Variants in CSMD1 observed in about 807,000 individuals in gnomAD.
The protein encoded by CSMD1 is CUB and Sushi multiple domains 1.
A neutral mutation model predicts 417.5 loss-of-function variants in CSMD1; 213 were observed. That is an observed-to-expected ratio of 0.51 (90% CI 0.46 to 0.57). The LOEUF (loss-of-function observed/expected upper bound fraction) is 0.57, where lower values mean the gene tolerates loss of function less well. Among genes scored for constraint, CSMD1 ranks in the 20% least tolerant of loss-of-function variants. The probability of loss-of-function intolerance (pLI) is 0.00; values close to 1 mark genes in which losing one functional copy is unlikely to be tolerated. For synonymous variants in CSMD1, 2,862 were observed against 1,736.8 expected, an observed-to-expected ratio of 1.65 and a Z score of -16.11; for missense variants, 6,923 against 4,529.7, an observed-to-expected ratio of 1.53 and a Z score of -15.17.
chr8:4,366,707 A>C lies in CSMD1; in HGVS notation c.415+53246T>G, dbSNP rs545800021. Among the ~76,000 whole-genome samples the C allele has an allele frequency of 9.5e-4, 142 of 149,000 alleles. 1 individual carries two copies. In the South Asian group the frequency reaches 0.012, roughly 12 times the overall value. On this transcript the variant is annotated intron_variant, in intron 3 of 69. Coordinates refer to ENST00000635120, the MANE Select transcript of CSMD1 (RefSeq NM_033225.6). ...GATGAGCGTTTTTTCTTTTTCTTTT[A>C]TTTTATTATTATTATTAGACTTTAA...
intron 10 of CSMD1, among the ~76,000 whole-genome samples, chr8:3,558,156 G>A (rs564859535): frequency 2.7e-5 from 4 of 150,326 alleles, no homozygotes; most frequent in African/African-American, 7.4e-5. Context: ...GATGAATGGT[G>A]CCTCAATAGC....
chr8:3,281,755 C>G (rs1268270708), intron 26 of CSMD1, among the ~76,000 whole-genome samples: 2 of 152,170 alleles, frequency 1.3e-5, no homozygotes, highest in East Asian at 1.9e-4. Context: ...ACTACAGATG[C>G]ATTTTTCCAA....
intron 11 of CSMD1, among the ~76,000 whole-genome samples, chr8:3,490,354 C>G (rs985750546): frequency 2.6e-5 from 4 of 152,244 alleles, no homozygotes; most frequent in South Asian, 2.1e-4. Flanking sequence ...TTCTTAACAA[C>G]AAATAGCATT....
chr8:4,121,633 AAG>A (rs1802493577), intron 3 of CSMD1, among the ~76,000 whole-genome samples: 1 of 151,932 alleles, frequency 6.6e-6, no homozygotes, highest in African/African-American at 2.4e-5. Context: ...AAAAAAAAAA[AAG>A]AAGTGGGAAT....
At chr8:3,809,262 G>C (rs1209124290) in intron 5 of CSMD1, among the ~76,000 whole-genome samples, 1 of 152,104 alleles carries the variant, frequency 6.6e-6, no homozygotes, top group African/African-American at 2.4e-5. Context: ...AGCTGGGTCA[G>C]GTCAGCTCCC....
At position 4,788,302 on chromosome 8, in the gene CSMD1, G is replaced by T. The variant is rs796908899; in HGVS notation, c.86-150744C>A. The T allele has an allele frequency of 5.9e-5, 94 of 1,583,048 alleles. No individual in the cohort carries two copies. The African/African-American group carries it at 9.7e-4, about 16-fold the overall frequency. On this transcript the variant is annotated intron_variant, in intron 1 of 69. Coordinates refer to ENST00000635120, the MANE Select transcript of CSMD1 (RefSeq NM_033225.6). Reference sequence around the variant, plus strand: ...ACTGTATTTGTGGCAGTGGCAGGCAGAAGTAATGGTTTGGGACCAGTGATG... The same window carrying T: ...ACTGTATTTGTGGCAGTGGCAGGCATAAGTAATGGTTTGGGACCAGTGATG...
intron 3 of CSMD1, among the ~76,000 whole-genome samples, chr8:4,260,854 G>C (rs779108): frequency 0.96 from 146,172 of 152,234 alleles, 70,471 homozygotes; most frequent in East Asian, 1. Context: ...ATTGTTTTTT[G>C]TTAGAAAGAC....
chr8:4,556,543 T>A (rs1798095964), intron 2 of CSMD1, among the ~76,000 whole-genome samples: 1 of 152,144 alleles, frequency 6.6e-6, no homozygotes, highest in Non-Finnish European at 1.5e-5. Flanking sequence ...TCCTTCTCGG[T>A]ACAACAGAGA....
intron 5 of CSMD1, among the ~76,000 whole-genome samples, chr8:3,764,618 TA>T (rs1432791630): frequency 6.6e-6 from 1 of 152,154 alleles, no homozygotes; most frequent in African/African-American, 2.4e-5. Flanking sequence ...GGAGATGTGA[TA>T]TCCACATTGT....
At chr8:4,340,597 A>G (rs1800419071) in intron 3 of CSMD1, among the ~76,000 whole-genome samples, 1 of 152,274 alleles carries the variant, frequency 6.6e-6, no homozygotes, top group Non-Finnish European at 1.5e-5. Flanking sequence ...ATTTCTTCAC[A>G]GTACTCTTGC....
chr8:4,723,368 A>G (rs924398017), intron 1 of CSMD1, among the ~76,000 whole-genome samples: 8 of 152,140 alleles, frequency 5.3e-5, no homozygotes, highest in East Asian at 1.9e-4. Context: ...GGTTCGCTCA[A>G]CTCATGAAAA....
chr8:3,963,695 A>G (rs957910811), intron 5 of CSMD1, among the ~76,000 whole-genome samples: 5 of 152,216 alleles, frequency 3.3e-5, no homozygotes, highest in Admixed American at 6.5e-5. Context: ...ATATACATAG[A>G]TTTCATCGTA....
At chr8:3,375,696 A>G (rs569943840) in intron 18 of CSMD1, among the ~76,000 whole-genome samples, 107 of 152,272 alleles carry the variant, frequency 7.0e-4, no homozygotes, top group African/African-American at 2.6e-3. Flanking sequence ...AGAGATTCCA[A>G]TCCTGATGAC....
intron 1 of CSMD1, among the ~76,000 whole-genome samples, chr8:4,963,603 T>A (rs1809662442): frequency 6.6e-6 from 1 of 152,234 alleles, no homozygotes; most frequent in Non-Finnish European, 1.5e-5. Flanking sequence ...TTTATTGCTA[T>A]CATTTATTTC....
chr8:4,148,643 C>G (rs570121564), intron 3 of CSMD1, among the ~76,000 whole-genome samples: 1 of 152,146 alleles, frequency 6.6e-6, no homozygotes, highest in African/African-American at 2.4e-5. Context: ...GAATCCTCAC[C>G]TTGTGGATGG....
intron 3 of CSMD1, among the ~76,000 whole-genome samples, chr8:4,159,274 T>C (rs1221338921): frequency 6.6e-6 from 1 of 152,186 alleles, no homozygotes; most frequent in Non-Finnish European, 1.5e-5. Flanking sequence ...TAGCATTTAG[T>C]GTAAGTTTAA....
intron 3 of CSMD1, among the ~76,000 whole-genome samples, chr8:4,125,531 G>T (rs1438941617): frequency 6.6e-6 from 1 of 152,202 alleles, no homozygotes; most frequent in East Asian, 1.9e-4. Flanking sequence ...ACTGTCAGGG[G>T]CGCGCAGCCT....
rs138716633 is a variant in CSMD1 at position 4,248,974 on chromosome 8, T to A, written c.415+170979A>T. On this transcript the variant is annotated intron_variant, in intron 3 of 69. Coordinates refer to ENST00000635120, the MANE Select transcript of CSMD1 (RefSeq NM_033225.6). ...CATAATGCTACTTTTAATATCATAA[T>A]TCAAAACATAAACAAACACTAGACC... Among the ~76,000 whole-genome samples the A allele has an allele frequency of 8.9e-4, 135 of 152,284 alleles. 1 individual carries two copies. Among genetic ancestry groups the A allele is most frequent in the African/African-American group, 3.2e-3 (131 of 41,568 alleles).
intron 2 of CSMD1, among the ~76,000 whole-genome samples, chr8:4,519,094 C>G (rs1332883993): frequency 6.6e-6 from 1 of 152,114 alleles, no homozygotes; most frequent in East Asian, 1.9e-4. Flanking sequence ...TAATCTCATT[C>G]CTTATCACAA....
Sources: allele counts gnomAD v4.1 joint callset (sites outside exome capture counted in the v4.1 genomes callset), GRCh38; gene constraint gnomAD v4.1.1; transcripts MANE v1.5; gene names NCBI Gene and HGNC (gene_info 2026-07-23, HGNC 2026-07-21).